Variants in CDH2 observed in about 807,000 individuals in gnomAD.
The protein encoded by CDH2 is cadherin-2.
CDH2 carries 17 observed loss-of-function variants against 92.0 expected under a neutral mutation model. The observed-to-expected ratio is 0.18, with a 90% confidence interval of 0.13 to 0.28. The LOEUF is 0.28. Among genes scored for constraint, CDH2 ranks in the 10% least tolerant of loss-of-function variants. The pLI is 1.00. For synonymous variants in CDH2, 419 were observed against 415.9 expected, an observed-to-expected ratio of 1.01 and a Z score of -0.09; for missense variants, 862 against 1,133.1, an observed-to-expected ratio of 0.76 and a Z score of 3.44.
At chr18:28,006,138 C>T in intron 5 of CDH2, 145 bp from the exon 6 acceptor site, 2 of 619,850 alleles carry the variant, frequency 3.2e-6, no homozygotes, top group Non-Finnish European at 5.6e-6. Flanking sequence ...TTAAGTTACA[C>T]CAAGTCCATA....
At chr18:28,128,284 C>T (rs1038051073) in intron 2 of CDH2, among the ~76,000 whole-genome samples, 16 of 152,152 alleles carry the variant, frequency 1.1e-4, no homozygotes, top group African/African-American at 3.4e-4. Context: ...TCATCACTTA[C>T]ATAAAGTCAC....
chr18:28,027,258 A>G (rs2013578268), intron 2 of CDH2, among the ~76,000 whole-genome samples: 1 of 152,118 alleles, frequency 6.6e-6, no homozygotes, highest in South Asian at 2.1e-4. Context: ...TAAAATTAGG[A>G]CAAAAGGTCT....
chr18:28,060,770 T>G (rs2014387875), intron 2 of CDH2, among the ~76,000 whole-genome samples: 1 of 152,192 alleles, frequency 6.6e-6, no homozygotes. Context: ...CTTCCTGCCT[T>G]GGACATGGAA....
At chr18:28,123,781 T>G (rs1365324021) in intron 2 of CDH2, among the ~76,000 whole-genome samples, 1 of 152,070 alleles carries the variant, frequency 6.6e-6, no homozygotes. Context: ...CCCCTAACTG[T>G]TTGCAAGACC....
At chr18:28,174,360 A>G (rs575658146) in intron 1 of CDH2, among the ~76,000 whole-genome samples, 1 of 152,354 alleles carries the variant, frequency 6.6e-6, no homozygotes, top group East Asian at 1.9e-4. Context: ...CCATTAGCAC[A>G]AAGTCATTTC....
intron 3 of CDH2, among the ~76,000 whole-genome samples, chr18:28,013,300 T>C (rs2013150275): frequency 6.6e-6 from 1 of 152,164 alleles, no homozygotes; most frequent in South Asian, 2.1e-4. Flanking sequence ...GCCAGAAATG[T>C]TTTCCTGTTA....
At chr18:27,959,161 GT>G (rs1374662592) in intron 15 of CDH2, among the ~76,000 whole-genome samples, 1 of 152,096 alleles carries the variant, frequency 6.6e-6, no homozygotes, top group Non-Finnish European at 1.5e-5. Flanking sequence ...AAATGAATTT[GT>G]TTGAACTTTT....
chr18:27,942,809 T>C (rs1909175062), intron 6 of CDH2, among the ~76,000 whole-genome samples: 3 of 152,152 alleles, frequency 2.0e-5, no homozygotes, highest in Admixed American at 6.5e-5. Flanking sequence ...TCTTGTTTTG[T>C]GTATGAACGA....
At chr18:28,005,235 G>C (rs574226864) in intron 6 of CDH2, among the ~76,000 whole-genome samples, 9 of 152,102 alleles carry the variant, frequency 5.9e-5, no homozygotes, top group Non-Finnish European at 1.3e-4. Flanking sequence ...ACAATCATGA[G>C]TGGCTTTCCA....
intron 6 of CDH2, among the ~76,000 whole-genome samples, chr18:27,936,592 C>T (rs1395794264): frequency 6.6e-6 from 1 of 152,154 alleles, no homozygotes; most frequent in African/African-American, 2.4e-5. Flanking sequence ...TGCAGTGGTG[C>T]TATCACAGCT....
At chr18:28,123,226 T>C (rs1278925632) in intron 2 of CDH2, among the ~76,000 whole-genome samples, 1 of 152,086 alleles carries the variant, frequency 6.6e-6, no homozygotes, top group African/African-American at 2.4e-5. Flanking sequence ...AGAAAGAAAG[T>C]ACAATATATT....
chr18:28,051,310 G>A (rs2014185662), intron 2 of CDH2, among the ~76,000 whole-genome samples: 1 of 152,144 alleles, frequency 6.6e-6, no homozygotes. Context: ...TGAAGATAGT[G>A]TAATACCACA....
chr18:28,135,084 C>T (rs2144303292), intron 2 of CDH2, among the ~76,000 whole-genome samples: 1 of 152,298 alleles, frequency 6.6e-6, no homozygotes, highest in Non-Finnish European at 1.5e-5. Context: ...ATTACTTCAG[C>T]TCCGTGGACT....
chr18:28,006,040 G>A, intron 5 of CDH2, 47 bp from the exon 6 acceptor site: 1 of 1,461,682 alleles, frequency 6.8e-7, no homozygotes. Flanking sequence ...TTATGTCTGT[G>A]AGAAGATAAA....
chr18:27,967,520 T>C (rs1401171123), intron 14 of CDH2, among the ~76,000 whole-genome samples: 3 of 152,358 alleles, frequency 2.0e-5, no homozygotes, highest in African/African-American at 2.4e-5. Context: ...AAGACATCTT[T>C]ATTTGGCTCC....
chr18:27,966,821 G>A (rs914227212), intron 14 of CDH2, among the ~76,000 whole-genome samples: 5 of 152,004 alleles, frequency 3.3e-5, no homozygotes, highest in African/African-American at 9.7e-5. Context: ...TTAAAACTTC[G>A]GTGGTCTTGC....
At chr18:28,071,950 A>C (rs1474249332) in intron 2 of CDH2, among the ~76,000 whole-genome samples, 1 of 152,192 alleles carries the variant, frequency 6.6e-6, no homozygotes, top group African/African-American at 2.4e-5. Flanking sequence ...TAGGAACTCA[A>C]GTTACAATAG....
At chr18:27,980,808 A>AG (rs1284941683) in intron 14 of CDH2, among the ~76,000 whole-genome samples, 4 of 151,796 alleles carry the variant, frequency 2.6e-5, no homozygotes, top group African/African-American at 4.8e-5. Context: ...AAAAAAAAAA[A>AG]AAAAACCCCA....
chr18:28,109,781 G>A (rs2015380779), intron 2 of CDH2, among the ~76,000 whole-genome samples: 1 of 152,106 alleles, frequency 6.6e-6, no homozygotes, highest in Non-Finnish European at 1.5e-5. Flanking sequence ...TGAAGATCAA[G>A]AAGAAAGCTT....
Sources: gnomAD v4.1 joint callset for allele counts (sites outside exome capture counted in the v4.1 genomes callset) on GRCh38, gnomAD v4.1.1 for gene constraint, MANE v1.5 for transcripts, NCBI Gene and HGNC (gene_info 2026-07-23, HGNC 2026-07-21) for gene names.